ZNF814: variants seen among roughly 807,000 people sequenced by gnomAD.
The protein encoded by ZNF814 is zinc finger protein 814.
ZNF814 carries 5 observed loss-of-function variants against 7.5 expected under a neutral mutation model. The ratio of observed to expected loss-of-function variants is 0.67; its 90% confidence interval spans 0.35 to 1.40. The LOEUF is 1.40. Among genes scored for constraint, ZNF814 ranks in the 40% most tolerant of loss-of-function variants. The pLI is 0.04. For synonymous variants in ZNF814, 315 were observed against 340.7 expected (o/e 0.92, Z 0.83); for missense variants, 962 against 1,018.0 (o/e 0.94, Z 0.75).
At position 57,874,502 on chromosome 19, in the gene ZNF814, A is replaced by ATAT. The variant is rs66767659; in HGVS notation, c.887_888insATA (p.His296delinsGlnTyr). ...AGGATTTCCCACATTCTCCACATTC[A>ATAT]TGTTTTTTTTCAGTGTGAACTCTCT... On this transcript the variant is annotated protein_altering_variant, in exon 3 of 3. Coordinates refer to ENST00000435989, the MANE Select transcript of ZNF814 (RefSeq NM_001144989.2). 2 of 1,126,044 alleles carry ATAT rather than the reference A, an allele frequency of 1.8e-6. 1 individual carries two copies. 69.8% of individuals were successfully genotyped at this position (1,126,044 alleles called of 1,614,324 possible). A position where few individuals can be genotyped will look rare whatever the true frequency, so the allele number is the denominator to read the frequency against.
In ZNF814 at chr19:57,872,699, G is replaced by T; in HGVS notation, c.*123C>A. The T allele has an allele frequency of 6.3e-7, 1 of 1,599,714 alleles. No individual in the cohort carries two copies. The highest frequency in any genetic ancestry group is 1.1e-5 in the South Asian group (1 of 89,384). The stretch of plus-strand genomic sequence containing the variant: ...GTGAACTCTCTTATGAACACAGAAT[G>T]CAGAGCTGTGGGTAGATGACTTCCC... On this transcript the variant is annotated 3_prime_UTR_variant, in exon 3 of 3. Transcript: ENST00000435989.
At chr19:57,892,291 C>T (rs1370568545), upstream of ZNF814, among the ~76,000 whole-genome samples, 19 of 152,152 alleles carry the variant, frequency 1.2e-4, no homozygotes, top group Admixed American at 1.2e-3. Flanking sequence ...CATCTGTGTG[C>T]ACCACTTGGC....
At chr19:57,887,996 C>CT (rs2071707282) in intron 1 of ZNF814, among the ~76,000 whole-genome samples, 2 of 152,058 alleles carry the variant, frequency 1.3e-5, no homozygotes, top group Non-Finnish European at 2.9e-5. Flanking sequence ...TTTAAGCTCC[C>CT]CTCCCCTTCC....
chr19:57,898,751 G>A, the ZNF814 span, among the ~76,000 whole-genome samples: 4 of 152,124 alleles, frequency 2.6e-5, no homozygotes, highest in Non-Finnish European at 4.4e-5. Context: ...GACTATCCTG[G>A]CTAACACAGT....
the ZNF814 span, among the ~76,000 whole-genome samples, chr19:57,901,895 G>A: frequency 4.0e-4 from 61 of 152,238 alleles, no homozygotes; most frequent in Non-Finnish European, 5.0e-4. Flanking sequence ...TTATTGAGGT[G>A]TACAACAATG....
At chr19:57,890,444 C>T (rs1327690378), upstream of ZNF814, among the ~76,000 whole-genome samples, 4 of 151,938 alleles carry the variant, frequency 2.6e-5, no homozygotes, top group Non-Finnish European at 2.9e-5. Flanking sequence ...CTGCAACCTC[C>T]GCCTCCTGAG....
rs545304919 is a variant in ZNF814, at chr19:57,875,093, C to T, written c.297G>A (p.Pro99=). The change falls in exon 3 of 3, where the codon CCG becomes CCA. Residue 99 remains proline (P), a synonymous_variant. Coordinates refer to ENST00000435989, the MANE Select transcript of ZNF814 (RefSeq NM_001144989.2). The part of the protein sequence containing the change: ...KKAHPCEMCG[P]ILGDILHVAD... ...CCACATGCAAAATGTCTCCCAAGAT[C>T]GGGCCACACATCTCACAGGGGTGGG... The T allele has an allele frequency of 3.6e-5, 57 of 1,572,578 alleles. No homozygotes were observed. The highest frequency in any genetic ancestry group is 3.4e-4 in the South Asian group (29 of 86,124).
In ZNF814 at chr19:57,869,387, G is replaced by C. The variant is rs1269571275; in HGVS notation, c.*3435C>G. ...ACGAGAGAGCACCCAGGGATTATAA[G>C]AGGAAACACTTTATTACATCACTCA... On this transcript the variant is annotated 3_prime_UTR_variant, in exon 3 of 3. Transcript: ENST00000435989. The C allele has an allele frequency of 6.8e-6, 1 of 147,888 alleles. No homozygotes were observed. The highest frequency in any genetic ancestry group is 1.5e-5 in the Non-Finnish European group (1 of 67,132). The allele number at this position is 147,888 out of a possible 1,614,324, so 9.2% of individuals were successfully genotyped here.
the ZNF814 span, among the ~76,000 whole-genome samples, chr19:57,895,502 C>T: frequency 6.6e-6 from 1 of 151,984 alleles, no homozygotes; most frequent in Admixed American, 6.6e-5. Flanking sequence ...TCTCGAACTC[C>T]TGGTCTCAGG....
At chr19:57,904,880 G>A in the ZNF814 span, among the ~76,000 whole-genome samples, 1 of 151,702 alleles carries the variant, frequency 6.6e-6, no homozygotes, top group Non-Finnish European at 1.5e-5. Flanking sequence ...GAGAAACCTC[G>A]TCTCTACTAA....
intron 1 of ZNF814, 89 bp from the exon 2 acceptor site, chr19:57,877,131 C>A: frequency 6.4e-7 from 1 of 1,561,492 alleles, no homozygotes; most frequent in Non-Finnish European, 8.7e-7. Flanking sequence ...TCTCGCACAT[C>A]CTCCTCTCAA....
intron 1 of ZNF814, among the ~76,000 whole-genome samples, chr19:57,883,172 T>C (rs1423104713): frequency 2.0e-5 from 3 of 151,370 alleles, no homozygotes; most frequent in Non-Finnish European, 2.9e-5. Flanking sequence ...TCCTGGCTAA[T>C]GGGGTGAAAC....
chr19:57,888,397 T>A (rs930070423), intron 1 of ZNF814, among the ~76,000 whole-genome samples: 2 of 152,182 alleles, frequency 1.3e-5, no homozygotes, highest in African/African-American at 4.8e-5. Context: ...ACCCTTACAA[T>A]GCTCATGACA....
At chr19:57,893,299 G>C (rs181584057), upstream of ZNF814, among the ~76,000 whole-genome samples, 46 of 151,280 alleles carry the variant, frequency 3.0e-4, no homozygotes, top group African/African-American at 1.1e-3. Context: ...TCAGCCTCCT[G>C]AGTAGGTGGG....
Position 57,874,195 on chromosome 19 carries a change from G to C in ZNF814, c.1195C>G (p.Gln399Glu), listed in dbSNP as rs921516054. Residue 399 changes from glutamine (Q) to glutamate (E), a missense_variant, in exon 3 of 3, where the codon CAG becomes GAG. By Grantham distance (29) the Gln-to-Glu change is conservative (BLOSUM62 2). This residue lies in a region of ZNF814 where 665 missense variants were observed against 551.4 expected (regional missense o/e 1.21). Coordinates refer to ENST00000435989, the MANE Select transcript of ZNF814 (RefSeq NM_001144989.2). The part of the protein sequence containing the change: ...FSKYASFSNH[Q>E]RVHTDKKHYE... The stretch of plus-strand genomic sequence containing the variant: ...TGTTTTTTGTCAGTGTGAACTCTCT[G>C]ATGATTACTGAAGCTAGCATATTTG... 8.9e-6 allele frequency: 14 copies of C among 1,577,222 alleles called. No individual in the cohort carries two copies. The African/African-American group carries it at 1.9e-4, about 21-fold the overall frequency.
At chr19:57,891,386 G>A (rs572333094), upstream of ZNF814, among the ~76,000 whole-genome samples, 6 of 151,940 alleles carry the variant, frequency 3.9e-5, no homozygotes, top group East Asian at 2.0e-4. Context: ...TTAGCTGGGC[G>A]TGGTGGCGGG....
chr19:57,904,869 G>A, the ZNF814 span, among the ~76,000 whole-genome samples: 1 of 151,866 alleles, frequency 6.6e-6, no homozygotes, highest in African/African-American at 2.4e-5. Flanking sequence ...TGATCAACAT[G>A]GAGAAACCTC....
At chr19:57,882,607 C>A (rs2071657946) in intron 1 of ZNF814, among the ~76,000 whole-genome samples, 1 of 124,346 alleles carries the variant, frequency 8.0e-6, no homozygotes, top group Non-Finnish European at 1.6e-5. Context: ...AGAGTCTCTA[C>A]CTGTTATGTT....
At position 57,872,952 on chromosome 19, in the gene ZNF814, G is replaced by T. The variant is rs1357853604; in HGVS notation, c.2438C>A (p.Ser813Tyr). 2 of 1,613,338 alleles carry T rather than the reference G, an allele frequency of 1.2e-6. No homozygotes were observed. Among genetic ancestry groups the T allele is most frequent in the Admixed American group, 3.3e-5 (2 of 59,930 alleles). ...SECGKSFAES[S>Y]SLTKHKRVHT... ...AACTCTCTTGTGTTTAGTGAGACTG[G>T]AGCTTTCAGCAAAAGATTTTCCACA... Residue 813 changes from serine to tyrosine, a missense_variant, in exon 3 of 3, where the codon TCC becomes TAC. By Grantham distance (144) the Ser-to-Tyr change is moderately radical. This residue lies in a region of ZNF814 where 665 missense variants were observed against 551.4 expected (regional missense o/e 1.21). Coordinates refer to ENST00000435989, the MANE Select transcript of ZNF814 (RefSeq NM_001144989.2).
Sources: allele counts gnomAD v4.1 joint callset (sites outside exome capture counted in the v4.1 genomes callset), GRCh38; gene constraint gnomAD v4.1.1; regional missense constraint gnomAD v4.1.1; transcripts MANE v1.5; gene names NCBI Gene and HGNC (gene_info 2026-07-23, HGNC 2026-07-21).